Variants in ASB5 observed in about 807,000 individuals in gnomAD.
ASB5 encodes the protein ankyrin repeat and SOCS box containing 5, also known as ankyrin repeat and SOCS box protein 5.
In ASB5, 45 loss-of-function variants were observed where a neutral mutation model predicts 42.1. That is an observed-to-expected ratio of 1.07 (90% CI 0.84 to 1.37). ASB5 has a LOEUF of 1.37. ASB5 is among the 40% of genes most tolerant of loss of function. The probability of loss-of-function intolerance (pLI) is 0.00; values close to 1 mark genes in which losing one functional copy is unlikely to be tolerated. For missense variants in ASB5, 402 were observed against 399.8 expected (o/e 1.01, Z -0.05); for synonymous variants, 147 against 150.6 (o/e 0.98, Z 0.18).
rs1752925771 is a variant in ASB5, at chr4:176,214,950, T to C, written c.*650A>G. ...AATATCTCAGGGTGAGAGGGCAGTA[T>C]TGACCTTTCATCCTATCACTTTTCT... is the stretch of plus-strand genomic sequence containing the variant. On this transcript the variant is annotated 3_prime_UTR_variant, in exon 7 of 7. Coordinates refer to ENST00000296525, the MANE Select transcript of ASB5 (RefSeq NM_080874.4). 6.6e-6 allele frequency: 1 copy of C among 151,854 alleles called. No individual in the cohort carries two copies. The highest frequency in any genetic ancestry group is 2.4e-5 in the African/African-American group (1 of 41,328). 9.4% of individuals were successfully genotyped at this position (151,854 alleles called of 1,614,324 possible).
chr4:176,267,639 A>G (rs1481316856), intron 1 of ASB5, among the ~76,000 whole-genome samples: 1 of 152,166 alleles, frequency 6.6e-6, no homozygotes, highest in Non-Finnish European at 1.5e-5. Context: ...TATAAAATAT[A>G]GTTCTCTCTG....
intron 1 of ASB5, among the ~76,000 whole-genome samples, chr4:176,258,251 C>T (rs1754193268): frequency 6.6e-6 from 1 of 151,976 alleles, no homozygotes; most frequent in South Asian, 2.1e-4. Context: ...GTATCAATAC[C>T]TCCATTAAAC....
In ASB5 at chr4:176,251,489, G is replaced by C. The variant is rs1194946462; in HGVS notation, c.196+17424C>G. Among the ~76,000 whole-genome samples, 2 of 64,066 alleles carry C rather than the reference G, an allele frequency of 3.1e-5. 1 individual carries two copies. The highest frequency in any genetic ancestry group is 6.2e-4 in the East Asian group (2 of 3,208). The allele number at this position is 64,066 out of a possible 152,430, so 42.0% of individuals were successfully genotyped here. Reference sequence around the variant, plus strand: ...AGGCAGGAGAATGGCGTGAACCCGGGAGGCGGAGCTTGCAGTGAGCCGAGA... The same window carrying C: ...AGGCAGGAGAATGGCGTGAACCCGGCAGGCGGAGCTTGCAGTGAGCCGAGA... On this transcript the variant is annotated intron_variant, in intron 1 of 6. Transcript: ENST00000296525.
Position 176,221,611 on chromosome 4 carries a change from C to G in ASB5, c.385-11G>C, listed in dbSNP as rs1561252501. The G allele has an allele frequency of 1.3e-6, 2 of 1,584,682 alleles. No homozygotes were observed. Among genetic ancestry groups the G allele is most frequent in the Non-Finnish European group, 1.7e-6 (2 of 1,159,238 alleles). ...CGTGATTGCATTTACCTAAACCAAA[C>G]CAAAATATCCAAACATAAGATTCAT... On this transcript the variant is annotated splice_polypyrimidine_tract_variant and intron_variant, in intron 3 of 6. Coordinates refer to ENST00000296525, the MANE Select transcript of ASB5 (RefSeq NM_080874.4).
At chr4:176,269,471 G>A (rs1218679094), upstream of ASB5, among the ~76,000 whole-genome samples, 1 of 151,838 alleles carries the variant, frequency 6.6e-6, no homozygotes, top group African/African-American at 2.4e-5. Context: ...CAGTGTATGG[G>A]GTTCCCATTG....
chr4:176,248,083 C>G (rs1204822960), intron 1 of ASB5, among the ~76,000 whole-genome samples: 2 of 152,070 alleles, frequency 1.3e-5, no homozygotes, highest in East Asian at 3.9e-4. Flanking sequence ...AAAATTAAAC[C>G]ATAATATACT....
intron 1 of ASB5, among the ~76,000 whole-genome samples, chr4:176,228,239 T>C (rs1753432713): frequency 1.3e-5 from 2 of 152,226 alleles, no homozygotes; most frequent in Non-Finnish European, 2.9e-5. Context: ...ACTATTTTAA[T>C]ATATAGTCTG....
chr4:176,217,402 A>G (rs1475671678), intron 5 of ASB5, among the ~76,000 whole-genome samples: 1 of 152,178 alleles, frequency 6.6e-6, no homozygotes, highest in Admixed American at 6.6e-5. Flanking sequence ...CATGGTTGAT[A>G]GCTTTTAGAA....
intron 1 of ASB5, among the ~76,000 whole-genome samples, chr4:176,230,963 C>A (rs1753526497): frequency 6.6e-6 from 1 of 152,142 alleles, no homozygotes; most frequent in African/African-American, 2.4e-5. Context: ...TTTCACCATG[C>A]TAATCAAATT....
At chr4:176,270,368 T>A (rs115501102), upstream of ASB5, among the ~76,000 whole-genome samples, 1,768 of 152,268 alleles carry the variant, frequency 0.012, 39 homozygotes, top group African/African-American at 0.04. Context: ...TAGTAAGTGT[T>A]GTGTGCTTCT....
In ASB5 at chr4:176,247,124, A is replaced by G. The variant is rs183919392; in HGVS notation, c.197-21783T>C. The stretch of plus-strand genomic sequence containing the variant: ...ATAAAACAATTTGTTACCTATGAAT[A>G]AATTCAACAAATATATGTAAGATCT... On this transcript the variant is annotated intron_variant, in intron 1 of 6. Coordinates refer to ENST00000296525, the MANE Select transcript of ASB5 (RefSeq NM_080874.4). 3.3e-4 allele frequency among the ~76,000 whole-genome samples: 50 copies of G among 152,272 alleles called. 1 individual carries two copies. The highest frequency in any genetic ancestry group is 1.2e-3 in the African/African-American group (49 of 41,592).
chr4:176,216,990 G>T lies in ASB5; in HGVS notation c.690C>A (p.Gly230=). The change falls in exon 6 of 7, where the codon GGC becomes GGA. Residue 230 remains glycine, a synonymous_variant. Transcript: ENST00000296525. ...CATGTAATGGAGTATCCCAATATTTGCCTTTCTGTACGTCAGCACCTACAT... is the reference window on the plus strand; with the variant it reads ...CATGTAATGGAGTATCCCAATATTTTCCTTTCTGTACGTCAGCACCTACAT... The part of the protein sequence containing the change: ...LLYAGADVQK[G]KYWDTPLHAA... 6.2e-7 allele frequency: 1 copy of T among 1,608,616 alleles called. No individual in the cohort carries two copies. Among genetic ancestry groups the T allele is most frequent in the Non-Finnish European group, 8.5e-7 (1 of 1,178,236 alleles).
intron 1 of ASB5, among the ~76,000 whole-genome samples, chr4:176,254,729 A>C (rs988971864): frequency 6.6e-6 from 1 of 152,232 alleles, no homozygotes; most frequent in Admixed American, 6.5e-5. Context: ...CTCATTAGAA[A>C]ATGGGCAAAA....
At chr4:176,245,358 C>T (rs1374915203) in intron 1 of ASB5, among the ~76,000 whole-genome samples, 1 of 152,180 alleles carries the variant, frequency 6.6e-6, no homozygotes, top group East Asian at 1.9e-4. Context: ...TATCATCTCA[C>T]ACCAGTTAGA....
Position 176,216,856 on chromosome 4 carries a change from G to A in ASB5, c.824C>T (p.Ser275Phe), listed in dbSNP as rs1474425534. ...CAATATCCTTTCCACCATACTGCTAGACGTAGCTACATCTATAGGTCGCAG... is the reference window on the plus strand; with the variant it reads ...CAATATCCTTTCCACCATACTGCTAAACGTAGCTACATCTATAGGTCGCAG... ...ELLRPIDVAT[S>F]SSMVERILLQ... is the part of the protein sequence containing the mutation. Residue 275 changes from serine to phenylalanine, a missense_variant, in exon 6 of 7, where the codon TCT (serine) becomes TTT (phenylalanine). Physicochemically the swap from Ser to Phe is radical, Grantham distance 155. Coordinates refer to ENST00000296525, the MANE Select transcript of ASB5 (RefSeq NM_080874.4). 2 of 1,611,902 alleles carry A rather than the reference G, an allele frequency of 1.2e-6. No homozygotes were observed. The highest frequency in any genetic ancestry group is 1.7e-5 in the Admixed American group (1 of 59,488).
chr4:176,232,127 A>T (rs200849776), intron 1 of ASB5, among the ~76,000 whole-genome samples: 202 of 125,066 alleles, frequency 1.6e-3, no homozygotes, highest in Admixed American at 2.7e-3. Context: ...ATATATATAT[A>T]CTTTTTTTTT....
chr4:176,240,571 C>T (rs955695496), intron 1 of ASB5, among the ~76,000 whole-genome samples: 4 of 152,138 alleles, frequency 2.6e-5, no homozygotes, highest in Admixed American at 2.6e-4. Context: ...AGGTTGAAAT[C>T]GAAGAGGCAT....
chr4:176,233,960 T>C (rs946015176), intron 1 of ASB5, among the ~76,000 whole-genome samples: 2 of 152,138 alleles, frequency 1.3e-5, no homozygotes, highest in Admixed American at 1.3e-4. Context: ...GCATAATCCT[T>C]AGTTTCTGTT....
chr4:176,276,706 T>C (rs1227168656), intron 1 of ASB5, among the ~76,000 whole-genome samples: 1 of 152,208 alleles, frequency 6.6e-6, no homozygotes, highest in Admixed American at 6.5e-5. Context: ...GCTCTGGAAC[T>C]GGGAACTCTT....
Sources: gnomAD v4.1 joint callset for allele counts (sites outside exome capture counted in the v4.1 genomes callset) on GRCh38, gnomAD v4.1.1 for gene constraint, MANE v1.5 for transcripts, NCBI Gene and HGNC (gene_info 2026-07-23, HGNC 2026-07-21) for gene names.